Variants in DSCAM observed in about 807,000 individuals in gnomAD.
DSCAM encodes cell adhesion molecule DSCAM.
DSCAM carries 47 observed loss-of-function variants against 217.7 expected under a neutral mutation model. The ratio of observed to expected loss-of-function variants is 0.22; its 90% confidence interval spans 0.17 to 0.28. DSCAM has a LOEUF of 0.28. Among genes scored for constraint, DSCAM ranks in the 10% least tolerant of loss-of-function variants. The pLI, the probability that DSCAM is intolerant of heterozygous loss-of-function variation, is 1.00. For synonymous variants in DSCAM, 1,056 were observed against 1,015.3 expected, an observed-to-expected ratio of 1.04 and a Z score of -0.76; for missense variants, 2,080 against 2,618.3, an observed-to-expected ratio of 0.79 and a Z score of 4.49.
intron 3 of DSCAM, among the ~76,000 whole-genome samples, chr21:40,516,910 C>A (rs1163143069): frequency 7.1e-6 from 1 of 140,398 alleles, no homozygotes; most frequent in African/African-American, 2.6e-5. Context: ...TATATATACA[C>A]ACACACACAT....
intron 3 of DSCAM, among the ~76,000 whole-genome samples, chr21:40,501,545 C>G (rs956732306): frequency 2.2e-5 from 3 of 134,336 alleles, no homozygotes; most frequent in Non-Finnish European, 4.6e-5. Flanking sequence ...CATGAGCTGC[C>G]TCTTTTCTCA....
intron 3 of DSCAM, among the ~76,000 whole-genome samples, chr21:40,436,651 G>A (rs76272754): frequency 6.6e-6 from 1 of 152,170 alleles, no homozygotes; most frequent in Non-Finnish European, 1.5e-5. Flanking sequence ...ATATGATGAG[G>A]GGTGTCAGGA....
intron 14 of DSCAM, among the ~76,000 whole-genome samples, chr21:40,182,553 G>A (rs925951379): frequency 3.3e-5 from 5 of 151,126 alleles, no homozygotes; most frequent in Admixed American, 2.0e-4. Context: ...AGAAACCGTG[G>A]ACAGGAGGGA....
chr21:40,767,880 TTC>T (rs373501065), intron 1 of DSCAM, among the ~76,000 whole-genome samples: 19 of 45,926 alleles, frequency 4.1e-4, no homozygotes, highest in Admixed American at 1.6e-3. Context: ...GCTCACCATT[TTC>T]TCTCTTTCTC....
chr21:40,743,669 A>G (rs2091147297), intron 1 of DSCAM, among the ~76,000 whole-genome samples: 1 of 152,192 alleles, frequency 6.6e-6, no homozygotes. Flanking sequence ...TTGTGATACA[A>G]GAGAGTTATT....
chr21:40,468,246 C>T (rs972765735), intron 3 of DSCAM, among the ~76,000 whole-genome samples: 1 of 152,108 alleles, frequency 6.6e-6, no homozygotes, highest in African/African-American at 2.4e-5. Context: ...TTTAAATCCC[C>T]AAACCCTCAA....
At chr21:40,471,225 AG>A (rs1454862387) in intron 3 of DSCAM, among the ~76,000 whole-genome samples, 1 of 152,214 alleles carries the variant, frequency 6.6e-6, no homozygotes, top group Non-Finnish European at 1.5e-5. Context: ...CCAATCCTGC[AG>A]AAAAAGTCAT....
intron 3 of DSCAM, among the ~76,000 whole-genome samples, chr21:40,453,040 T>TTGTGTGTGTGTGTGTGTGTGTGTG (rs3069917): frequency 1.5e-5 from 2 of 134,328 alleles, no homozygotes; most frequent in African/African-American, 2.8e-5. Flanking sequence ...TTTAAAGACT[T>TTGTGTGTGTGTGTGTGTGTGTGTG]TGTGTGTGTG....
At chr21:40,402,126 C>A (rs2075241148) in intron 3 of DSCAM, among the ~76,000 whole-genome samples, 1 of 137,032 alleles carries the variant, frequency 7.3e-6, no homozygotes, top group Admixed American at 8.1e-5. Flanking sequence ...GTGGTGCCAC[C>A]TCGGCTCACT....
intron 32 of DSCAM, among the ~76,000 whole-genome samples, chr21:40,030,033 C>A (rs2088488242): frequency 6.6e-6 from 1 of 152,206 alleles, no homozygotes; most frequent in African/African-American, 2.4e-5. Flanking sequence ...TACACATTCA[C>A]ACACAAGTAC....
At chr21:40,703,598 T>C (rs533796429) in intron 2 of DSCAM, among the ~76,000 whole-genome samples, 1 of 152,142 alleles carries the variant, frequency 6.6e-6, no homozygotes, top group Non-Finnish European at 1.5e-5. Context: ...GTCATTCTTA[T>C]CTTTGTTCCT....
intron 1 of DSCAM, among the ~76,000 whole-genome samples, chr21:40,739,223 C>T (rs534816437): frequency 7.8e-4 from 114 of 146,828 alleles, no homozygotes; most frequent in Non-Finnish European, 1.3e-3. Context: ...AGGACAATGG[C>T]AGGAGCACTG....
chr21:40,142,992 C>A (rs1031231426), intron 17 of DSCAM, among the ~76,000 whole-genome samples: 4 of 150,972 alleles, frequency 2.6e-5, no homozygotes, highest in African/African-American at 9.7e-5. Flanking sequence ...GAGTCGTGTA[C>A]CCTTCTTAAT....
At chr21:40,462,771 A>C (rs1455412602) in intron 3 of DSCAM, among the ~76,000 whole-genome samples, 1 of 152,152 alleles carries the variant, frequency 6.6e-6, no homozygotes, top group Non-Finnish European at 1.5e-5. Flanking sequence ...TCCCTAGATG[A>C]TTCTAATGCA....
At chr21:40,640,332 T>A (rs946634830) in intron 3 of DSCAM, among the ~76,000 whole-genome samples, 3 of 152,022 alleles carry the variant, frequency 2.0e-5, no homozygotes, top group Admixed American at 6.6e-5. Context: ...CAAACCTCAG[T>A]CCCCAGCAAT....
At chr21:40,416,707 G>A (rs2075375139) in intron 3 of DSCAM, among the ~76,000 whole-genome samples, 2 of 151,918 alleles carry the variant, frequency 1.3e-5, no homozygotes, top group Admixed American at 1.3e-4. Context: ...AAGAAAATAA[G>A]GATCCTATAA....
chr21:40,306,149 G>T (rs2074073016), intron 9 of DSCAM, among the ~76,000 whole-genome samples: 1 of 151,038 alleles, frequency 6.6e-6, no homozygotes, highest in Non-Finnish European at 1.5e-5. Flanking sequence ...CCTTGAAGAG[G>T]TCCTTCACAT....
chr21:40,555,757 T>C (rs1048503222), intron 3 of DSCAM, among the ~76,000 whole-genome samples: 3 of 152,194 alleles, frequency 2.0e-5, no homozygotes, highest in African/African-American at 7.2e-5. Flanking sequence ...CTTAGCCTTC[T>C]GAGTAGCTGG....
intron 1 of DSCAM, among the ~76,000 whole-genome samples, chr21:40,773,395 AC>A (rs1216273988): frequency 3.9e-5 from 6 of 152,212 alleles, no homozygotes; most frequent in Non-Finnish European, 8.8e-5. Flanking sequence ...CTCCGTCTTC[AC>A]ATGGCCTTCT....
Sources: allele counts gnomAD v4.1 joint callset (sites outside exome capture counted in the v4.1 genomes callset), GRCh38; gene constraint gnomAD v4.1.1; transcripts MANE v1.5; gene names NCBI Gene and HGNC (gene_info 2026-07-23, HGNC 2026-07-21).